The following MIAT variants were observed in gnomAD, a reference collection of about 807,000 sequenced individuals.
The protein encoded by MIAT is myocardial infarction associated transcript, also known as MI related novel mRNA.
At chr22:26,672,191 A>G, downstream of MIAT, 1 of 399,456 alleles carries the variant, frequency 2.5e-6, no homozygotes, top group Non-Finnish European at 4.4e-6. Flanking sequence ...TTACTAACCC[A>G]GCCCCTACTA....
intron 3 of MIAT, among the ~76,000 whole-genome samples, chr22:26,664,794 T>C (rs897047635): frequency 1.3e-5 from 2 of 152,268 alleles, no homozygotes; most frequent in Non-Finnish European, 2.9e-5. Context: ...CTAACTGTGG[T>C]ATATACATAT....
downstream of MIAT, chr22:26,670,820 T>C: frequency 2.5e-6 from 1 of 398,534 alleles, no homozygotes; most frequent in Non-Finnish European, 4.4e-6. Flanking sequence ...CTGGGGTTTC[T>C]ATGGGAAAAG....
chr22:26,663,605 G>A (rs1380067590), intron 3 of MIAT: 1 of 384,504 alleles, frequency 2.6e-6, no homozygotes, highest in Non-Finnish European at 4.6e-6. Context: ...GTGTGGCCTA[G>A]TGAAAGCTGA....
chr22:26,671,709 A>G (rs1206801297), downstream of MIAT: 1 of 398,582 alleles, frequency 2.5e-6, no homozygotes, highest in Non-Finnish European at 4.4e-6. Flanking sequence ...AGTGAGTTTG[A>G]GTAAGTCACC....
At chr22:26,672,303 G>A (rs1326517015), downstream of MIAT, 2 of 399,050 alleles carry the variant, frequency 5.0e-6, no homozygotes, top group Non-Finnish European at 8.8e-6. Flanking sequence ...TGGGGCTACT[G>A]GCCCTGTAGA....
At chr22:26,666,971 G>C (rs1930869715) in intron 4 of MIAT, 1 of 397,770 alleles carries the variant, frequency 2.5e-6, no homozygotes, top group African/African-American at 2.1e-5. Context: ...AGGGAGGGAG[G>C]GAGGTCACAT....
chr22:26,669,712 T>C (rs1930975977), downstream of MIAT: 2 of 398,970 alleles, frequency 5.0e-6, no homozygotes, highest in South Asian at 2.5e-4. Flanking sequence ...CACCCAGGGA[T>C]GGGGAGGAGG....
At chr22:26,660,350 C>T (rs1318114290) in intron 2 of MIAT, among the ~76,000 whole-genome samples, 1 of 151,224 alleles carries the variant, frequency 6.6e-6, no homozygotes, top group Non-Finnish European at 1.5e-5. Context: ...GTGCCTATAG[C>T]CCAGCTACTC....
At chr22:26,672,368 C>T (rs998804137), downstream of MIAT, 3 of 399,114 alleles carry the variant, frequency 7.5e-6, no homozygotes, top group African/African-American at 6.2e-5. Context: ...TCCACTGGGC[C>T]AGGTCTAAGG....
At chr22:26,653,312 G>A (rs1275590869) in intron 2 of MIAT, among the ~76,000 whole-genome samples, 1 of 152,140 alleles carries the variant, frequency 6.6e-6, no homozygotes, top group African/African-American at 2.4e-5. Flanking sequence ...CCTTCCTTGC[G>A]TTACTCAGTT....
At chr22:26,673,735 C>T, downstream of MIAT, 1 of 398,622 alleles carries the variant, frequency 2.5e-6, no homozygotes. Flanking sequence ...CAATTTTGGG[C>T]GTGGTGGCTG....
Position 26,665,467 on chromosome 22 carries a change from C to T in MIAT, n.730-64C>T, listed in dbSNP as rs1430324230. The T allele has an allele frequency of 5.5e-5, 22 of 398,484 alleles. No individual in the cohort carries two copies. In the Admixed American group the frequency reaches 5.7e-4, roughly 10 times the overall value. The allele number at this position is 398,484 out of a possible 1,614,324, so 24.7% of individuals were successfully genotyped here. A position where few individuals can be genotyped will look rare whatever the true frequency, so the allele number is the denominator to read the frequency against. On this transcript the variant is annotated intron_variant and non_coding_transcript_variant, in intron 3 of 5. Transcript: ENST00000643270. Reference sequence around the variant, plus strand: ...ATATCATGACTCTAGGTCCACAGAACGAGGGGAAAGGGTCACTGTGGATCA... The same window carrying T: ...ATATCATGACTCTAGGTCCACAGAATGAGGGGAAAGGGTCACTGTGGATCA...
chr22:26,646,991 A>G (rs1276739600), intron 1 of MIAT: 1 of 398,426 alleles, frequency 2.5e-6, no homozygotes, highest in Non-Finnish European at 4.4e-6. Flanking sequence ...GCATTTCTGC[A>G]GCCCTTTCAA....
chr22:26,647,301 G>T (rs1930250006), exon 2 of MIAT: 1 of 379,506 alleles, frequency 2.6e-6, no homozygotes, highest in African/African-American at 2.1e-5. Context: ...ATGCTGGGAT[G>T]CGACAAAAAA....
At chr22:26,647,377 GAGAGAGA>G (rs1930253190) in intron 2 of MIAT, 1 of 6,496 alleles carries the variant, frequency 1.5e-4, no homozygotes, top group Non-Finnish European at 4.8e-4. Flanking sequence ...GGGGGGTGGA[GAGAGAGA>G]GAGAGAGAGA....
At chr22:26,666,095 A>G in exon 4 of MIAT, 1 of 398,644 alleles carries the variant, frequency 2.5e-6, no homozygotes. Context: ...GCTCATCTCC[A>G]GTTCTGGACT....
chr22:26,674,308 A>T (rs1482830962), downstream of MIAT: 4 of 398,554 alleles, frequency 1.0e-5, no homozygotes, highest in East Asian at 1.4e-4. Context: ...GACTGAGGGA[A>T]CGTCCTTTGG....
intron 2 of MIAT, among the ~76,000 whole-genome samples, chr22:26,662,587 C>T (rs1930713093): frequency 6.6e-6 from 1 of 152,118 alleles, no homozygotes; most frequent in African/African-American, 2.4e-5. Context: ...TTTAATTCTC[C>T]TCTGCAGAAG....
chr22:26,652,620 T>A (rs1322085701), intron 2 of MIAT, among the ~76,000 whole-genome samples: 1 of 152,070 alleles, frequency 6.6e-6, no homozygotes, highest in Non-Finnish European at 1.5e-5. Flanking sequence ...CCTCCCAAAG[T>A]GCTAGGATTA....
Sources: gnomAD v4.1 joint callset for allele counts (sites outside exome capture counted in the v4.1 genomes callset) on GRCh38, gnomAD v4.1.1 for gene constraint, MANE v1.5 for transcripts, NCBI Gene and HGNC (gene_info 2026-07-23, HGNC 2026-07-21) for gene names.